Variants in CACNB3 observed in about 807,000 individuals in gnomAD.
The protein encoded by CACNB3 is voltage-dependent L-type calcium channel subunit beta-3.
CACNB3 carries 36 observed loss-of-function variants against 63.7 expected under a neutral mutation model. The ratio of observed to expected loss-of-function variants is 0.57; its 90% CI spans 0.43 to 0.75. The LOEUF is 0.75. Ranked by LOEUF, CACNB3 falls within the 30% of genes least tolerant of loss-of-function variation. The pLI, the probability that CACNB3 is intolerant of heterozygous loss-of-function variation, is 0.00. For missense variants in CACNB3, 493 were observed against 648.6 expected (o/e 0.76, Z 2.61); for synonymous variants, 241 against 250.6 (o/e 0.96, Z 0.36).
chr12:48,817,071 G>A (rs996017076), upstream of CACNB3: 12 of 898,870 alleles, frequency 1.3e-5, no homozygotes, highest in Middle Eastern at 1.2e-3. Flanking sequence ...ACCCCAGTTG[G>A]TGCTGGACTC....
At position 48,823,460 on chromosome 12, in the gene CACNB3, G is replaced by C; in HGVS notation, c.162G>C (p.Arg54Ser). 2 of 1,613,916 alleles carry C rather than the reference G, an allele frequency of 1.2e-6. No homozygotes were observed. Among genetic ancestry groups the C allele is most frequent in the Non-Finnish European group, 1.7e-6 (2 of 1,179,908 alleles). The change falls in exon 2 of 13, where the codon AGG (arginine) becomes AGC (serine). Residue 54 changes from arginine to serine, a missense_variant. By Grantham distance (110) the Arg-to-Ser change is moderately radical. Transcript: ENST00000301050. This position sits in a 1 kb window ranked among gnomAD's most constrained non-coding sequence, Gnocchi z 4.2. Reference sequence around the variant, plus strand: ...GCCAGGCTCAGCAGCAGCTCGAAAGGGCCAAGGTATACTTTCTGGGCATGG... The same window carrying C: ...GCCAGGCTCAGCAGCAGCTCGAAAGCGCCAAGGTATACTTTCTGGGCATGG... ...VESQAQQQLE[R>S]AKHKPVAFAV...
chr12:48,828,001 C>T lies in CACNB3; in HGVS notation c.*102C>T. The T allele has an allele frequency of 9.7e-7, 1 of 1,035,398 alleles. No homozygotes were observed. The highest frequency in any genetic ancestry group is 1.4e-6 in the Non-Finnish European group (1 of 701,060). 64.1% of individuals were successfully genotyped at this position (1,035,398 alleles called of 1,614,324 possible). A position where few individuals can be genotyped will look rare whatever the true frequency, so the allele number is the denominator to read the frequency against. On this transcript the variant is annotated 3_prime_UTR_variant, in exon 13 of 13. Transcript: ENST00000301050. ...ACTGGCATCAGGCTGGCACTAGGCTCAGCCCCCAAAACCCCCTGCCCAGCC... is the reference window on the plus strand; with the variant it reads ...ACTGGCATCAGGCTGGCACTAGGCTTAGCCCCCAAAACCCCCTGCCCAGCC...
rs1308944406 is a variant in CACNB3, at chr12:48,826,644, G to A, written c.895-115G>A. On this transcript the variant is annotated intron_variant, in intron 10 of 12. Transcript: ENST00000301050. The surrounding 1 kb of genome is among the most constrained non-coding windows in gnomAD (Gnocchi z 4.8). The stretch of plus-strand genomic sequence containing the variant: ...CCTGCTGCCCTTAACACAACTCTGA[G>A]TCATCCTCACCTGCTACTGATGCCA... 7.0e-7 allele frequency: 1 copy of A among 1,430,510 alleles called. No homozygotes were observed. Among genetic ancestry groups the A allele is most frequent in the Non-Finnish European group, 9.8e-7 (1 of 1,018,742 alleles). The allele number at this position is 1,430,510 out of a possible 1,614,324, so 88.6% of individuals were successfully genotyped here.
upstream of CACNB3, among the ~76,000 whole-genome samples, chr12:48,817,502 G>A (rs1322995383): frequency 6.6e-6 from 1 of 152,126 alleles, no homozygotes; most frequent in Non-Finnish European, 1.5e-5. Context: ...CATCCTCCTC[G>A]TGGGGCACAA....
chr12:48,814,757 G>C (rs1942245184), upstream of CACNB3: 12 of 495,988 alleles, frequency 2.4e-5, no homozygotes, highest in Non-Finnish European at 1.7e-5. The surrounding 1 kb of genome is among the most constrained non-coding windows in gnomAD (Gnocchi z 6.9). Context: ...TCTGGCCTGG[G>C]CAGCGCCGCC....
Position 48,818,765 on chromosome 12 carries a change from G to A in CACNB3, c.-165G>A. On this transcript the variant is annotated 5_prime_UTR_variant, in exon 1 of 13. Transcript: ENST00000301050. This position sits in a 1 kb window ranked among gnomAD's most constrained non-coding sequence, Gnocchi z 4.3. ...GCGGTGATCTGAGCTCCGAGCAGCT[G>A]GTCTTCGCGGCTCGCTCCCTCCTTC... 1.5e-6 allele frequency: 2 copies of A among 1,343,896 alleles called. No homozygotes were observed. The highest frequency in any genetic ancestry group is 3.2e-5 in the East Asian group (1 of 31,382). 83.2% of individuals were successfully genotyped at this position (1,343,896 alleles called of 1,614,324 possible). A position where few individuals can be genotyped will look rare whatever the true frequency, so the allele number is the denominator to read the frequency against.
chr12:48,820,330 G>T (rs1937789294), intron 1 of CACNB3: 1 of 152,436 alleles, frequency 6.6e-6, no homozygotes, highest in African/African-American at 2.4e-5. Flanking sequence ...TGGTGAGAAG[G>T]CAAGGGCTAT....
Position 48,826,678 on chromosome 12 carries a change from A to G in CACNB3, c.895-81A>G. 1 of 1,433,208 alleles carries G rather than the reference A, an allele frequency of 7.0e-7. No homozygotes were observed. The highest frequency in any genetic ancestry group is 9.8e-7 in the Non-Finnish European group (1 of 1,018,574). The allele number at this position is 1,433,208 out of a possible 1,614,324, so 88.8% of individuals were successfully genotyped here. A position where few individuals can be genotyped will look rare whatever the true frequency, so the allele number is the denominator to read the frequency against. ...ACCTGCTACTGATGCCACAAGTGGA[A>G]GAAATGCCTAGCTCTGCCCGGGCTC... is the stretch of plus-strand genomic sequence containing the variant. On this transcript the variant is annotated intron_variant, in intron 10 of 12. Transcript: ENST00000301050. This position sits in a 1 kb window ranked among gnomAD's most constrained non-coding sequence, Gnocchi z 4.8.
upstream of CACNB3, chr12:48,816,774 C>T (rs1942297439): frequency 1.1e-6 from 1 of 885,938 alleles, no homozygotes; most frequent in Admixed American, 6.2e-5. Flanking sequence ...AGCCCCAGGA[C>T]CTTCTGTGGG....
At chr12:48,816,315 C>G (rs2137432655), upstream of CACNB3, among the ~76,000 whole-genome samples, 1 of 152,306 alleles carries the variant, frequency 6.6e-6, no homozygotes, top group South Asian at 2.1e-4. Context: ...GACTTGGGTA[C>G]CTGCCAGCTG....
At chr12:48,827,206 C>T in intron 12 of CACNB3, 83 bp downstream of exon 12, 1 of 1,505,634 alleles carries the variant, frequency 6.6e-7, no homozygotes, top group South Asian at 1.2e-5. Context: ...TGTCCTTGGC[C>T]TCCAGTTCAG....
upstream of CACNB3, chr12:48,815,705 A>G: frequency 2.9e-6 from 4 of 1,391,870 alleles, no homozygotes; most frequent in Non-Finnish European, 3.8e-6. Flanking sequence ...TTCTGACTCC[A>G]GTGCAACCTT....
rs1006869691 is a variant in CACNB3 at position 48,823,281 on chromosome 12, A to G, written c.46-63A>G. 5.0e-6 allele frequency: 8 copies of G among 1,587,868 alleles called. No individual in the cohort carries two copies. The highest frequency in any genetic ancestry group is 1.8e-4 in the Middle Eastern group (1 of 5,442). ...ATAGAGGCAACACTGTAAGGTGAGG[A>G]GGGTGCCTCCATGGCATCCTTCATG... is the stretch of plus-strand genomic sequence containing the variant. On this transcript the variant is annotated intron_variant, in intron 1 of 12. Transcript: ENST00000301050. The surrounding 1 kb of genome is among the most constrained non-coding windows in gnomAD (Gnocchi z 4.2).
chr12:48,817,749 C>T (rs958763870), upstream of CACNB3: 4 of 152,366 alleles, frequency 2.6e-5, no homozygotes, highest in African/African-American at 9.7e-5. Flanking sequence ...CCTTTCCTCT[C>T]CCAACCCGAG....
rs775878834 is a variant in CACNB3, at chr12:48,827,620, C to T, written c.1176C>T (p.His392=). ...TGCTGGGGGAGCGTGGCGAGGAGCA[C>T]TCCCCCCTTGAGCGGGACAGCTTGA... ...QQLLGERGEE[H]SPLERDSLMP... The change falls in exon 13 of 13, where the codon CAC becomes CAT. Residue 392 remains histidine, a synonymous_variant. Transcript: ENST00000301050. The T allele has an allele frequency of 6.2e-7, 1 of 1,613,512 alleles. No individual in the cohort carries two copies. The highest frequency in any genetic ancestry group is 8.5e-7 in the Non-Finnish European group (1 of 1,179,916).
intron 1 of CACNB3, among the ~76,000 whole-genome samples, chr12:48,822,654 C>G (rs1208901563): frequency 6.6e-6 from 1 of 152,144 alleles, no homozygotes; most frequent in Non-Finnish European, 1.5e-5. Flanking sequence ...CCACACCTGG[C>G]TAGTTGCCCC....
chr12:48,818,983 C>A lies in CACNB3; in HGVS notation c.45+9C>A. 1 of 1,605,286 alleles carries A rather than the reference C, an allele frequency of 6.2e-7. No individual in the cohort carries two copies. The highest frequency in any genetic ancestry group is 8.5e-7 in the Non-Finnish European group (1 of 1,176,190). On this transcript the variant is annotated intron_variant, in intron 1 of 12. Transcript: ENST00000301050. This position sits in a 1 kb window ranked among gnomAD's most constrained non-coding sequence, Gnocchi z 4.3. Reference sequence around the variant, plus strand: ...TTGAGGACTCGGAGGCGGTGAGTGCCCACGATGAGGGTGGGGGCGGGGAAG... The same window carrying A: ...TTGAGGACTCGGAGGCGGTGAGTGCACACGATGAGGGTGGGGGCGGGGAAG...
In CACNB3 at chr12:48,826,536, A is replaced by G. The variant is rs1220234505; in HGVS notation, c.894+18A>G. Reference sequence around the variant, plus strand: ...CACCAAAGGTAAGTCAGCTGGGCTCATGGAGGAGGCCCACAGGGCTATCCT... The same window carrying G: ...CACCAAAGGTAAGTCAGCTGGGCTCGTGGAGGAGGCCCACAGGGCTATCCT... On this transcript the variant is annotated intron_variant, in intron 10 of 12. Transcript: ENST00000301050. The surrounding 1 kb of genome is among the most constrained non-coding windows in gnomAD (Gnocchi z 4.8). The G allele has an allele frequency of 5.0e-6, 8 of 1,613,382 alleles. No individual in the cohort carries two copies. Among genetic ancestry groups the G allele is most frequent in the Middle Eastern group, 1.6e-4 (1 of 6,084 alleles).
At chr12:48,816,398 T>G (rs964876133), upstream of CACNB3, among the ~76,000 whole-genome samples, 5 of 152,114 alleles carry the variant, frequency 3.3e-5, no homozygotes, top group Admixed American at 1.3e-4. Flanking sequence ...TGCCCTCAGC[T>G]CTCTCCCTTT....
Sources: gnomAD v4.1 joint callset for allele counts (sites outside exome capture counted in the v4.1 genomes callset) on GRCh38, gnomAD v4.1.1 for gene constraint, Gnocchi (gnomAD v3.1) non-coding constraint, MANE v1.5 for transcripts, NCBI Gene and HGNC (gene_info 2026-07-23, HGNC 2026-07-21) for gene names.